The following ABCA4 variants were observed in gnomAD, a reference collection of about 807,000 sequenced individuals.
ABCA4 encodes the protein ATP binding cassette subfamily A member 4.
In ABCA4, 196 loss-of-function variants were observed where a neutral mutation model predicts 263.7. That is an observed-to-expected ratio of 0.74 (90% CI 0.66 to 0.84). The LOEUF (loss-of-function observed/expected upper bound fraction) is 0.84, where lower values mean the gene tolerates loss of function less well. ABCA4 is among the 40% of genes least tolerant of loss of function. The pLI is 0.00. For missense variants in ABCA4, 2,792 were observed against 2,855.1 expected (o/e 0.98, Z 0.50); for synonymous variants, 1,133 against 1,094.2 (o/e 1.04, Z -0.70).
intron 1 of ABCA4, among the ~76,000 whole-genome samples, chr1:94,117,011 T>TTTCTTTCTTTCTTTCTTTC (rs1553197154): frequency 5.8e-5 from 8 of 137,770 alleles, no homozygotes; most frequent in African/African-American, 2.1e-4. Flanking sequence ...TCTTTCTTTC[T>TTTCTTTCTTTCTTTCTTTC]TTCTTTCTTT....
At chr1:94,049,181 C>A (rs1660769698) in intron 17 of ABCA4, among the ~76,000 whole-genome samples, 1 of 152,140 alleles carries the variant, frequency 6.6e-6, no homozygotes, top group African/African-American at 2.4e-5. Context: ...CTCAATGTGC[C>A]ATGAGGAGCC....
At position 93,996,177 on chromosome 1, in the gene ABCA4, T is replaced by C. The variant is rs777132940; in HGVS notation, c.6748A>G (p.Lys2250Glu). ...AGGTCATGACTTTCAGTCTGCTGTT[T>C]AGCAAAATTTACAAACACCTAGAGG... ...TLDQVFVNFA[K>E]QQTESHDLPL... The change falls in exon 49 of 50, where the codon AAA becomes GAA. Residue 2250 changes from lysine (K) to glutamate (E), a missense_variant. By Grantham distance (56) the Lys-to-Glu change is moderately conservative. Transcript: ENST00000370225. 70 of 1,613,808 alleles carry C rather than the reference T, an allele frequency of 4.3e-5. No homozygotes were observed. Among genetic ancestry groups the C allele is most frequent in the Non-Finnish European group, 5.8e-5 (69 of 1,179,994 alleles).
intron 49 of ABCA4, among the ~76,000 whole-genome samples, chr1:93,993,781 C>T (rs1658930894): frequency 6.6e-6 from 1 of 151,944 alleles, no homozygotes; most frequent in African/African-American, 2.4e-5. Context: ...TGTCCATGTT[C>T]CTTGAGAAGC....
chr1:94,031,353 G>A (rs569588356), intron 27 of ABCA4, among the ~76,000 whole-genome samples: 35 of 152,186 alleles, frequency 2.3e-4, no homozygotes, highest in Admixed American at 5.9e-4. Context: ...GCAGCCCAGT[G>A]TTCAGCCAGA....
In ABCA4 at chr1:94,019,606, C is replaced by A. The variant is rs1557767754; in HGVS notation, c.5172G>T (p.Trp1724Cys). ...CGATGTCCCAGAGGAAGTTGGTCAC[C>A]CAGTAGGTGGTGGGGCTCACTCCAC... ...FISGVSPTTYWVTNFLWDIMN... is the reference protein window; with the variant it reads ...FISGVSPTTYCVTNFLWDIMN... The change falls in exon 36 of 50, where the codon TGG becomes TGT. Residue 1724 changes from tryptophan to cysteine, a missense_variant. By Grantham distance (215) the Trp-to-Cys change is radical. Coordinates refer to ENST00000370225, the MANE Select transcript of ABCA4 (RefSeq NM_000350.3). 6.2e-7 allele frequency: 1 copy of A among 1,609,448 alleles called. No individual in the cohort carries two copies.
intron 14 of ABCA4, among the ~76,000 whole-genome samples, chr1:94,057,975 TC>T (rs1661024100): frequency 6.6e-6 from 1 of 152,228 alleles, no homozygotes; most frequent in African/African-American, 2.4e-5. Flanking sequence ...TCCCTGGAGC[TC>T]TGGCTTCCTC....
chr1:94,084,142 A>G (rs2101112814), intron 6 of ABCA4, among the ~76,000 whole-genome samples: 1 of 152,364 alleles, frequency 6.6e-6, no homozygotes, highest in African/African-American at 2.4e-5. Flanking sequence ...TGATGTGAAC[A>G]TCTGGTTTTC....
intron 23 of ABCA4, 116 bp from the exon 24 acceptor site, chr1:94,040,243 C>T: frequency 3.6e-6 from 3 of 838,934 alleles, no homozygotes; most frequent in Non-Finnish European, 5.9e-6. Flanking sequence ...CAAGTGTAGT[C>T]AACACATTTT....
rs780574858 is a variant in ABCA4, at chr1:94,021,862, A to T, written c.4757T>A (p.Ile1586Asn). The change falls in exon 33 of 50, where the codon ATC becomes AAC. Residue 1586 changes from isoleucine (I) to asparagine (N), a missense_variant. By Grantham distance (149) the Ile-to-Asn change is moderately radical. Coordinates refer to ENST00000370225, the MANE Select transcript of ABCA4 (RefSeq NM_000350.3). The stretch of plus-strand genomic sequence containing the variant: ...TTTACATACCCCGCTCACATTCATG[A>T]TCCGGCCAAGGTCGCTTAAAAACCC... ...LVGFLSDLGR[I>N]MNVSGGPITR... 5.0e-6 allele frequency: 8 copies of T among 1,614,166 alleles called. No individual in the cohort carries two copies. Among genetic ancestry groups the T allele is most frequent in the Non-Finnish European group, 6.8e-6 (8 of 1,180,040 alleles).
At chr1:94,014,513 A>T in intron 38 of ABCA4, 30 bp downstream of exon 38, 1 of 1,613,252 alleles carries the variant, frequency 6.2e-7, no homozygotes, top group Non-Finnish European at 8.5e-7. Flanking sequence ...CCTACTAATC[A>T]AACAAAAAAG....
intron 11 of ABCA4, among the ~76,000 whole-genome samples, chr1:94,070,580 A>G (rs1661375553): frequency 6.6e-6 from 1 of 152,228 alleles, no homozygotes; most frequent in South Asian, 2.1e-4. Context: ...GAAGTCAAAA[A>G]GAAAAGTAAG....
At chr1:94,049,630 C>T (rs950954520) in intron 17 of ABCA4, among the ~76,000 whole-genome samples, 1 of 151,998 alleles carries the variant, frequency 6.6e-6, no homozygotes, top group Non-Finnish European at 1.5e-5. Context: ...TCTCAAAAAA[C>T]AAAAACAAAA....
At chr1:94,061,151 G>C (rs1470774308) in intron 13 of ABCA4, among the ~76,000 whole-genome samples, 1 of 152,240 alleles carries the variant, frequency 6.6e-6, no homozygotes, top group African/African-American at 2.4e-5. Flanking sequence ...GTGGAGGACT[G>C]ACAAGGGCAA....
chr1:94,011,248 C>T lies in ABCA4; in HGVS notation c.5584+14G>A, dbSNP rs762085612. ...CCCAGGGCCCATGCTCCATGGGCCT[C>T]GGCTACCACCCACCAAACCGGGCAT... On this transcript the variant is annotated intron_variant, in intron 39 of 49. Transcript: ENST00000370225. The T allele has an allele frequency of 1.9e-5, 30 of 1,613,846 alleles. No individual in the cohort carries two copies. Among genetic ancestry groups the T allele is most frequent in the South Asian group, 3.3e-5 (3 of 91,072 alleles).
At chr1:94,101,130 C>A (rs1283172526) in intron 5 of ABCA4, among the ~76,000 whole-genome samples, 6 of 152,270 alleles carry the variant, frequency 3.9e-5, no homozygotes, top group Admixed American at 3.9e-4. Flanking sequence ...AAGGCCTTGG[C>A]ACTGATGCCA....
chr1:94,061,658 C>T (rs892852793), intron 13 of ABCA4, among the ~76,000 whole-genome samples: 8 of 152,306 alleles, frequency 5.3e-5, no homozygotes, highest in African/African-American at 1.7e-4. Context: ...CCTCCCCACA[C>T]CCACCTCACT....
rs75267647 is a variant in ABCA4, at chr1:94,040,103, C to T, written c.3547G>A (p.Gly1183Ser). The T allele has an allele frequency of 6.2e-7, 1 of 1,609,900 alleles. No homozygotes were observed. The highest frequency in any genetic ancestry group is 1.7e-5 in the Admixed American group (1 of 59,646). Residue 1183 changes from glycine to serine, a missense_variant, in exon 24 of 50, where the codon GGT becomes AGT. Gly to Ser is a moderately conservative substitution (Grantham distance 56). Coordinates refer to ENST00000370225, the MANE Select transcript of ABCA4 (RefSeq NM_000350.3). ...SEGTCSCSSKGFSTTCPAHVD... is the reference protein window; with the variant it reads ...SEGTCSCSSKSFSTTCPAHVD... Reference sequence around the variant, plus strand: ...TGGGCTGGACACGTGGTGGAGAAACCCTTAGACGAGCAGCTGCAGGTCCCC... The same window carrying T: ...TGGGCTGGACACGTGGTGGAGAAACTCTTAGACGAGCAGCTGCAGGTCCCC...
intron 2 of ABCA4, 128 bp downstream of exon 2, chr1:94,112,845 A>G (rs1662647094): frequency 1.1e-5 from 8 of 760,078 alleles, no homozygotes. Context: ...AATCTGTTAC[A>G]TGCATCATAG....
At chr1:94,099,361 C>G (rs904028222) in intron 5 of ABCA4, among the ~76,000 whole-genome samples, 3 of 152,202 alleles carry the variant, frequency 2.0e-5, no homozygotes, top group African/African-American at 7.2e-5. Flanking sequence ...CTCTAGAACT[C>G]CGCAGTAAGG....
Sources: allele counts gnomAD v4.1 joint callset (sites outside exome capture counted in the v4.1 genomes callset), GRCh38; gene constraint gnomAD v4.1.1; transcripts MANE v1.5; gene names NCBI Gene and HGNC (gene_info 2026-07-23, HGNC 2026-07-21).